ABI3BP: variants seen among roughly 807,000 people sequenced by gnomAD.
ABI3BP encodes the protein ABI family member 3 binding protein.
Under a neutral mutation model 268.6 loss-of-function variants are expected in ABI3BP, and 216 were observed. That is an observed-to-expected ratio of 0.80 (90% CI 0.72 to 0.90). The LOEUF is 0.90. Ranked by LOEUF, ABI3BP falls within the 40% of genes least tolerant of loss-of-function variation. The pLI is 0.00. For synonymous variants in ABI3BP, 730 were observed against 730.0 expected, an observed-to-expected ratio of 1.00 and a Z score of 0.00; for missense variants, 2,090 against 2,182.4, an observed-to-expected ratio of 0.96 and a Z score of 0.84.
intron 2 of ABI3BP, among the ~76,000 whole-genome samples, chr3:100,906,212 C>A (rs1311378606): frequency 6.6e-6 from 1 of 152,146 alleles, no homozygotes; most frequent in East Asian, 1.9e-4. Context: ...ATAACATATA[C>A]AGAAGCCAAA....
chr3:100,775,203 G>A lies in ABI3BP; in HGVS notation c.4462+4C>T, dbSNP rs1324221673. ...ATCCAGTGAGAACTGATGGCCATAC[G>A]AACCCAGTTCTTCTCCAGAGGCAGG... On this transcript the variant is annotated splice_donor_region_variant and intron_variant, in intron 60 of 67. Coordinates refer to ENST00000471714, the MANE Select transcript of ABI3BP (RefSeq NM_001375547.2). 10 of 1,612,398 alleles carry A rather than the reference G, an allele frequency of 6.2e-6. No individual in the cohort carries two copies. Among genetic ancestry groups the A allele is most frequent in the East Asian group, 4.5e-5 (2 of 44,832 alleles).
chr3:100,894,832 G>C lies in ABI3BP; in HGVS notation c.461+3930C>G, dbSNP rs573547735. On this transcript the variant is annotated intron_variant, in intron 4 of 67. Transcript: ENST00000471714. ...CCGGTGCCTGTAGTCCCAGCTACTC[G>C]GGAGGCTGAGGCAGGAGAATGGCGT... 7.6e-4 allele frequency among the ~76,000 whole-genome samples: 115 copies of C among 150,716 alleles called. 4 individuals carry two copies. Among genetic ancestry groups the C allele is most frequent in the South Asian group, 6.6e-3 (31 of 4,720 alleles).
chr3:100,970,259 C>T (rs988361374), intron 1 of ABI3BP, among the ~76,000 whole-genome samples: 1 of 152,282 alleles, frequency 6.6e-6, no homozygotes, highest in African/African-American at 2.4e-5. Flanking sequence ...AATTAGGCTT[C>T]GTACTCCATA....
intron 4 of ABI3BP, among the ~76,000 whole-genome samples, chr3:100,894,988 T>TGA (rs1491215196): frequency 1.2e-5 from 1 of 85,448 alleles, no homozygotes. Context: ...AAACACAAGA[T>TGA]GAGAATGTTA....
Position 100,838,424 on chromosome 3 carries a change from T to A in ABI3BP, c.1986A>T (p.Pro662=), listed in dbSNP as rs778641573. The A allele has an allele frequency of 6.5e-7, 1 of 1,535,886 alleles. No homozygotes were observed. Among genetic ancestry groups the A allele is most frequent in the Non-Finnish European group, 8.7e-7 (1 of 1,146,740 alleles). ...TACCAGGCTGAATTTGAGGTGCATC[T>A]GGTCTGTGTGTGGTTTTAGGTCTCT... ...PSERPKTTHR[P]DAPQIQPGSK... is the part of the protein sequence containing the mutation. Residue 662 remains proline, a synonymous_variant, in exon 25 of 68, where the codon CCA becomes CCT. Transcript: ENST00000471714.
At chr3:100,855,871 C>A (rs1412311751) in intron 14 of ABI3BP, among the ~76,000 whole-genome samples, 3 of 152,210 alleles carry the variant, frequency 2.0e-5, no homozygotes, top group Non-Finnish European at 4.4e-5. Context: ...ATTGATAATG[C>A]TTTCTTCAGT....
At position 100,853,743 on chromosome 3, in the gene ABI3BP, T is replaced by G. The variant is rs868751681; in HGVS notation, c.1286-1803A>C. On this transcript the variant is annotated intron_variant, in intron 14 of 67. Coordinates refer to ENST00000471714, the MANE Select transcript of ABI3BP (RefSeq NM_001375547.2). ...CATCCATCTCCCCTCGTTATTCCCATAAGGCATTCGCTGGGGAAAGAAGCC... is the reference window on the plus strand; with the variant it reads ...CATCCATCTCCCCTCGTTATTCCCAGAAGGCATTCGCTGGGGAAAGAAGCC... Among the ~76,000 whole-genome samples, 11 of 152,332 alleles carry G rather than the reference T, an allele frequency of 7.2e-5. No homozygotes were observed. In the South Asian group the frequency reaches 2.1e-3, roughly 29 times the overall value.
At chr3:100,835,223 A>G (rs2098556088) in intron 28 of ABI3BP, among the ~76,000 whole-genome samples, 1 of 152,212 alleles carries the variant, frequency 6.6e-6, no homozygotes, top group Admixed American at 6.5e-5. Flanking sequence ...TTCTCTGTAT[A>G]TCTTAAAACA....
At chr3:100,974,161 A>G (rs192487625) in intron 1 of ABI3BP, among the ~76,000 whole-genome samples, 1 of 152,204 alleles carries the variant, frequency 6.6e-6, no homozygotes, top group Non-Finnish European at 1.5e-5. Flanking sequence ...ATACCTTGCT[A>G]TTAAAAAAAT....
intron 34 of ABI3BP, 147 bp from the exon 35 acceptor site, chr3:100,825,991 C>A (rs2098376060): frequency 3.1e-6 from 2 of 654,862 alleles, no homozygotes; most frequent in Non-Finnish European, 2.7e-6. Context: ...TATATTTCCA[C>A]CCCTCACCCC....
chr3:100,762,394 A>G (rs2096017749), intron 63 of ABI3BP, among the ~76,000 whole-genome samples: 1 of 152,192 alleles, frequency 6.6e-6, no homozygotes. Context: ...AGAAAGAAAA[A>G]TAGTGTTATT....
chr3:100,794,222 T>C (rs1197666003), intron 54 of ABI3BP, among the ~76,000 whole-genome samples: 1 of 151,990 alleles, frequency 6.6e-6, no homozygotes, highest in Non-Finnish European at 1.5e-5. Flanking sequence ...TAGTATAACA[T>C]TGATGTTAAT....
At chr3:100,850,141 C>T (rs753139138) in intron 16 of ABI3BP, 22 bp from the exon 17 acceptor site, 3 of 1,594,184 alleles carry the variant, frequency 1.9e-6, no homozygotes, top group South Asian at 2.3e-5. Context: ...AACACCCCAA[C>T]CCATCAAATA....
At chr3:100,984,134 A>T (rs1266701614) in intron 1 of ABI3BP, among the ~76,000 whole-genome samples, 1 of 123,664 alleles carries the variant, frequency 8.1e-6, no homozygotes, top group African/African-American at 3.1e-5. Context: ...TATTAGAATC[A>T]CCTGAGGAGT....
intron 1 of ABI3BP, among the ~76,000 whole-genome samples, chr3:100,928,193 C>G (rs1390038886): frequency 1.3e-5 from 2 of 152,010 alleles, no homozygotes; most frequent in African/African-American, 2.4e-5. Flanking sequence ...CAAAACATGT[C>G]TGGCCCCAGG....
intron 52 of ABI3BP, among the ~76,000 whole-genome samples, 197 bp downstream of exon 52, chr3:100,796,212 A>G (rs17217852): frequency 0.14 from 21,150 of 152,094 alleles, 1,898 homozygotes; most frequent in South Asian, 0.27. Flanking sequence ...ATGAACCTAT[A>G]TACTATTCCC....
chr3:100,894,965 A>C lies in ABI3BP; in HGVS notation c.461+3797T>G, dbSNP rs796559894. ...AAAAAAAAAAAAAAAAAAAAAAAAAAAACAGAAAAAAAAAACACAAGATGA... is the reference window on the plus strand; with the variant it reads ...AAAAAAAAAAAAAAAAAAAAAAAAACAACAGAAAAAAAAAACACAAGATGA... On this transcript the variant is annotated intron_variant, in intron 4 of 67. Coordinates refer to ENST00000471714, the MANE Select transcript of ABI3BP (RefSeq NM_001375547.2). Among the ~76,000 whole-genome samples the C allele has an allele frequency of 8.9e-3, 1,079 of 120,694 alleles. 37 individuals carry two copies. The highest frequency in any genetic ancestry group is 0.039 in the South Asian group (140 of 3,620). 79.2% of individuals were successfully genotyped at this position (120,694 alleles called of 152,430 possible).
intron 53 of ABI3BP, among the ~76,000 whole-genome samples, 197 bp from the exon 54 acceptor site, chr3:100,795,200 C>T (rs2097308321): frequency 6.6e-6 from 1 of 152,058 alleles, no homozygotes; most frequent in South Asian, 2.1e-4. Flanking sequence ...AGGACACATA[C>T]TACATGACAT....
intron 6 of ABI3BP, 121 bp from the exon 7 acceptor site, chr3:100,876,681 G>A: frequency 1.2e-6 from 1 of 820,712 alleles, no homozygotes. Flanking sequence ...TGTGACACTG[G>A]TTTAATAGTT....
Sources: gnomAD v4.1 joint callset for allele counts (sites outside exome capture counted in the v4.1 genomes callset) on GRCh38, gnomAD v4.1.1 for gene constraint, MANE v1.5 for transcripts, NCBI Gene and HGNC (gene_info 2026-07-23, HGNC 2026-07-21) for gene names.